The following IARS1 variants were observed in gnomAD, a reference collection of about 807,000 sequenced individuals.
IARS1 encodes isoleucine--tRNA ligase, cytoplasmic.
In IARS1, 124 loss-of-function variants were observed where a neutral mutation model predicts 168.2. The observed-to-expected ratio is 0.74, with a 90% CI of 0.64 to 0.86. The LOEUF (loss-of-function observed/expected upper bound fraction) is 0.86. Among genes scored for constraint, IARS1 ranks in the 40% least tolerant of loss-of-function variants. The pLI is 0.00. For synonymous variants in IARS1, 532 were observed against 529.4 expected, an observed-to-expected ratio of 1.00 and a Z score of -0.07; for missense variants, 1,452 against 1,515.8, an observed-to-expected ratio of 0.96 and a Z score of 0.70.
chr9:92,260,111 A>T lies in IARS1; in HGVS notation c.1871+40T>A, dbSNP rs1376604080. On this transcript the variant is annotated intron_variant, in intron 18 of 33. Coordinates refer to ENST00000443024, the MANE Select transcript of IARS1 (RefSeq NM_002161.6). Reference sequence around the variant, plus strand: ...ATAGTATAGGAGATGCTTACATAAAAAAACAATAGATACACACAAGGCAAA... The same window carrying T: ...ATAGTATAGGAGATGCTTACATAAATAAACAATAGATACACACAAGGCAAA... The T allele has an allele frequency of 4.3e-6, 6 of 1,408,222 alleles. No individual in the cohort carries two copies. The Admixed American group carries it at 6.7e-5, about 16-fold the overall frequency. The allele number at this position is 1,408,222 out of a possible 1,614,324, so 87.2% of individuals were successfully genotyped here. A position where few individuals can be genotyped will look rare whatever the true frequency, so the allele number is the denominator to read the frequency against.
chr9:92,268,166 T>C lies in IARS1; in HGVS notation c.1431+8A>G, dbSNP rs1832545646. The C allele has an allele frequency of 5.1e-6, 8 of 1,572,634 alleles. 1 individual carries two copies. Among genetic ancestry groups the C allele is most frequent in the Non-Finnish European group, 6.9e-6 (8 of 1,165,320 alleles). Reference sequence around the variant, plus strand: ...AAATCAACACAAGGAAATACTGCCATGCCTCACCTCCTCAAAGTCATCGCT... The same window carrying C: ...AAATCAACACAAGGAAATACTGCCACGCCTCACCTCCTCAAAGTCATCGCT... On this transcript the variant is annotated splice_region_variant and intron_variant, in intron 14 of 33. Transcript: ENST00000443024.
At chr9:92,275,008 G>C (rs1259392630) in intron 9 of IARS1, among the ~76,000 whole-genome samples, 3 of 152,168 alleles carry the variant, frequency 2.0e-5, no homozygotes, top group Non-Finnish European at 2.9e-5. Context: ...CTACTTACAG[G>C]TACTCCACCA....
intron 11 of IARS1, 69 bp downstream of exon 11, chr9:92,271,464 C>T: frequency 6.4e-7 from 1 of 1,568,206 alleles, no homozygotes; most frequent in Non-Finnish European, 8.8e-7. Flanking sequence ...AATTACAATA[C>T]AATTATAAAT....
chr9:92,261,437 C>T lies in IARS1; in HGVS notation c.1788-1203G>A, dbSNP rs139065592. On this transcript the variant is annotated intron_variant, in intron 17 of 33. Coordinates refer to ENST00000443024, the MANE Select transcript of IARS1 (RefSeq NM_002161.6). Reference sequence around the variant, plus strand: ...AGTGGTTGCCAGGGATTGGGGATGACAGTGGGAAGGCAGGAGGGGAAGGCA... The same window carrying T: ...AGTGGTTGCCAGGGATTGGGGATGATAGTGGGAAGGCAGGAGGGGAAGGCA... Among the ~76,000 whole-genome samples the T allele has an allele frequency of 9.2e-5, 14 of 152,184 alleles. No homozygotes were observed. The East Asian group carries it at 2.7e-3, about 29-fold the overall frequency.
At chr9:92,271,507 C>G (rs752711416) in intron 11 of IARS1, 26 bp downstream of exon 11, 19 of 1,612,232 alleles carry the variant, frequency 1.2e-5, no homozygotes, top group African/African-American at 4.0e-5. Flanking sequence ...TAACAGTCAC[C>G]CTTCTATGCT....
chr9:92,285,612 G>A (rs1587896538), intron 6 of IARS1, 110 bp downstream of exon 6: 2 of 665,616 alleles, frequency 3.0e-6, no homozygotes, highest in Non-Finnish European at 5.5e-6. Context: ...GGTGGATGTC[G>A]TGGGCAACAT....
At chr9:92,218,227 C>T (rs1490385267) in intron 33 of IARS1, among the ~76,000 whole-genome samples, 1 of 144,898 alleles carries the variant, frequency 6.9e-6, no homozygotes, top group African/African-American at 2.6e-5. Context: ...TTCAACAACC[C>T]TTCATGCTAA....
At chr9:92,220,549 G>A (rs957290468) in intron 33 of IARS1, among the ~76,000 whole-genome samples, 1 of 152,066 alleles carries the variant, frequency 6.6e-6, no homozygotes, top group African/African-American at 2.4e-5. Flanking sequence ...CCCAGGAGGT[G>A]GAGGTTGCAA....
chr9:92,260,174 C>T lies in IARS1; in HGVS notation c.1848G>A (p.Gln616=). ...KNYPDPVSII[Q]KYGADALRLY... ...ACCTGAGGGCATCAGCACCATACTTCTGGATGATGGAAACTGGATCTGGAT... is the reference window on the plus strand; with the variant it reads ...ACCTGAGGGCATCAGCACCATACTTTTGGATGATGGAAACTGGATCTGGAT... Residue 616 remains glutamine, a synonymous_variant, in exon 18 of 34, where the codon CAG becomes CAA. Coordinates refer to ENST00000443024, the MANE Select transcript of IARS1 (RefSeq NM_002161.6). The T allele has an allele frequency of 6.2e-7, 1 of 1,614,070 alleles. No homozygotes were observed. Among genetic ancestry groups the T allele is most frequent in the South Asian group, 1.1e-5 (1 of 91,078 alleles).
chr9:92,214,700 T>C (rs1216049905), intron 33 of IARS1, among the ~76,000 whole-genome samples: 1 of 152,202 alleles, frequency 6.6e-6, no homozygotes, highest in Non-Finnish European at 1.5e-5. Context: ...ACCCGAATAC[T>C]GCGCTTTTCC....
intron 25 of IARS1, among the ~76,000 whole-genome samples, chr9:92,249,645 A>G (rs1299227808): frequency 6.6e-6 from 1 of 152,230 alleles, no homozygotes; most frequent in Non-Finnish European, 1.5e-5. Flanking sequence ...GATAGATGAT[A>G]GGTAAAGAAA....
intron 29 of IARS1, among the ~76,000 whole-genome samples, chr9:92,241,607 G>A (rs1410902920): frequency 1.3e-5 from 2 of 152,164 alleles, no homozygotes; most frequent in African/African-American, 4.8e-5. Context: ...CTCCCAAAGT[G>A]CTGGGATTAC....
At chr9:92,282,821 CAT>C (rs1460009410) in intron 6 of IARS1, among the ~76,000 whole-genome samples, 1 of 147,196 alleles carries the variant, frequency 6.8e-6, no homozygotes, top group Non-Finnish European at 1.5e-5. Context: ...TGTATACTTA[CAT>C]ATATACATAC....
At position 92,256,879 on chromosome 9, in the gene IARS1, TAAAC is replaced by T. The variant is rs979515476; in HGVS notation, c.2017-83_2017-80del. ...GAGGAAATAAACTTCTTAAATCACT[TAAAC>T]AAAAACAAAAAGAAAAAATCCCAGA... On this transcript the variant is annotated intron_variant, in intron 19 of 33. Transcript: ENST00000443024. 7.3e-6 allele frequency: 10 copies of T among 1,365,820 alleles called. No homozygotes were observed. The African/African-American group carries it at 1.0e-4, about 14-fold the overall frequency. The allele number at this position is 1,365,820 out of a possible 1,614,324, so 84.6% of individuals were successfully genotyped here. A position where few individuals can be genotyped will look rare whatever the true frequency, so the allele number is the denominator to read the frequency against.
intron 28 of IARS1, 88 bp downstream of exon 28, chr9:92,243,128 T>A: frequency 1.1e-6 from 1 of 874,406 alleles, no homozygotes; most frequent in Non-Finnish European, 1.9e-6. Flanking sequence ...TCACTATGGT[T>A]TATATTACCT....
intron 30 of IARS1, among the ~76,000 whole-genome samples, chr9:92,231,147 C>G (rs1025278648): frequency 2.0e-5 from 3 of 152,096 alleles, no homozygotes; most frequent in African/African-American, 7.2e-5. Flanking sequence ...CTTTAAAACT[C>G]TTTGTTTAAT....
chr9:92,268,447 A>T, intron 13 of IARS1, 147 bp from the exon 14 acceptor site: 1 of 749,512 alleles, frequency 1.3e-6, no homozygotes, highest in Non-Finnish European at 2.2e-6. Flanking sequence ...TGTCTTCTAA[A>T]TGGACAGCAT....
At chr9:92,280,950 G>A in intron 6 of IARS1, 57 bp from the exon 7 acceptor site, 1 of 1,248,008 alleles carries the variant, frequency 8.0e-7, no homozygotes, top group East Asian at 2.5e-5. Context: ...AGACACCTAA[G>A]AAAAAGGAAC....
intron 12 of IARS1, 65 bp from the exon 13 acceptor site, chr9:92,270,048 G>T: frequency 1.1e-6 from 1 of 927,482 alleles, no homozygotes; most frequent in South Asian, 1.3e-5. Flanking sequence ...CGGTAAGACT[G>T]ACTTTTCATG....
Sources: gnomAD v4.1 joint callset for allele counts (sites outside exome capture counted in the v4.1 genomes callset) on GRCh38, gnomAD v4.1.1 for gene constraint, MANE v1.5 for transcripts, NCBI Gene and HGNC (gene_info 2026-07-23, HGNC 2026-07-21) for gene names.